KDM7A: variants seen among roughly 807,000 people sequenced by gnomAD.
KDM7A encodes lysine-specific demethylase 7A.
KDM7A carries 28 observed loss-of-function variants against 114.8 expected under a neutral mutation model. The observed-to-expected ratio is 0.24, with a 90% CI of 0.18 to 0.33. The LOEUF is 0.33. KDM7A is among the 10% of genes least tolerant of loss of function. KDM7A has a pLI of 1.00. For synonymous variants in KDM7A, 423 were observed against 397.8 expected (o/e 1.06, Z -0.75); for missense variants, 942 against 1,142.5 (o/e 0.82, Z 2.53).
At chr7:140,174,323 A>G (rs1172336037) in intron 1 of KDM7A, among the ~76,000 whole-genome samples, 1 of 152,186 alleles carries the variant, frequency 6.6e-6, no homozygotes, top group East Asian at 1.9e-4. Context: ...AAAAAAACCT[A>G]TTTTAGACTC....
At chr7:140,146,338 T>A (rs544995576) in intron 1 of KDM7A, among the ~76,000 whole-genome samples, 1 of 152,350 alleles carries the variant, frequency 6.6e-6, no homozygotes, top group South Asian at 2.1e-4. Context: ...TCCGTTTCTC[T>A]CTCAGAGGGA....
chr7:140,118,343 T>TA (rs1818564894), intron 9 of KDM7A, among the ~76,000 whole-genome samples: 1 of 151,936 alleles, frequency 6.6e-6, no homozygotes, highest in Non-Finnish European at 1.5e-5. Context: ...CCACCTTTTA[T>TA]AAAGTAGCTT....
intron 1 of KDM7A, among the ~76,000 whole-genome samples, chr7:140,148,654 A>G (rs1450437245): frequency 6.6e-6 from 1 of 152,166 alleles, no homozygotes; most frequent in Non-Finnish European, 1.5e-5. Flanking sequence ...CGTTTTATAC[A>G]ATGTTTTAAC....
At chr7:140,132,739 T>C (rs1032506048) in intron 3 of KDM7A, among the ~76,000 whole-genome samples, 2 of 152,238 alleles carry the variant, frequency 1.3e-5, no homozygotes, top group Non-Finnish European at 2.9e-5. Flanking sequence ...TACCATTATA[T>C]GTTTCTGCAT....
intron 11 of KDM7A, among the ~76,000 whole-genome samples, chr7:140,108,284 G>T (rs560175863): frequency 1.3e-5 from 2 of 152,260 alleles, no homozygotes; most frequent in East Asian, 3.9e-4. Flanking sequence ...CTGTCAACTT[G>T]TCAAAGTCAT....
chr7:140,103,080 G>T (rs776652651), intron 11 of KDM7A, among the ~76,000 whole-genome samples: 1 of 151,946 alleles, frequency 6.6e-6, no homozygotes, highest in Non-Finnish European at 1.5e-5. Flanking sequence ...CTTCTCATCT[G>T]CACAAACTGA....
In KDM7A at chr7:140,174,106, G is replaced by A. The variant is rs531154685; in HGVS notation, c.194+2638C>T. On this transcript the variant is annotated intron_variant, in intron 1 of 19. Transcript: ENST00000397560. ...TTGAACCCGGGAGGCGGAGTTTGCA[G>A]TGAGCAGAGATGGCGCCACTGCACT... 6.4e-4 allele frequency among the ~76,000 whole-genome samples: 97 copies of A among 151,746 alleles called. 1 individual carries two copies. The highest frequency in any genetic ancestry group is 1.1e-3 in the Non-Finnish European group (78 of 67,958).
At chr7:140,095,249 T>G (rs1440461479) in intron 17 of KDM7A, among the ~76,000 whole-genome samples, 1 of 152,216 alleles carries the variant, frequency 6.6e-6, no homozygotes, top group Non-Finnish European at 1.5e-5. Context: ...AAGGCAGGTA[T>G]TTGCCTGAAT....
rs1818111417 is a variant in KDM7A, at chr7:140,096,486, AG to A, written c.2374+68del. ...TTATTCATAATCTCTAACCTAAATG[AG>A]GATTATTGAGCCATTAAGTTGGGCA... On this transcript the variant is annotated intron_variant, in intron 17 of 19. Coordinates refer to ENST00000397560, the MANE Select transcript of KDM7A (RefSeq NM_030647.2). The A allele has an allele frequency of 6.8e-6, 8 of 1,170,368 alleles. No homozygotes were observed. In the South Asian group the frequency reaches 1.0e-4, roughly 15 times the overall value. 72.5% of individuals were successfully genotyped at this position (1,170,368 alleles called of 1,614,324 possible). A position where few individuals can be genotyped will look rare whatever the true frequency, so the allele number is the denominator to read the frequency against.
chr7:140,103,073 C>T (rs887707415), intron 11 of KDM7A, among the ~76,000 whole-genome samples: 1 of 152,002 alleles, frequency 6.6e-6, no homozygotes, highest in Non-Finnish European at 1.5e-5. Flanking sequence ...CGAGAAGCTT[C>T]TCATCTGCAC....
At chr7:140,103,476 G>A (rs1162908667) in intron 11 of KDM7A, among the ~76,000 whole-genome samples, 2 of 131,998 alleles carry the variant, frequency 1.5e-5, no homozygotes, top group Non-Finnish European at 3.4e-5. Flanking sequence ...TCCAACCCAC[G>A]ACAGGTCCCA....
chr7:140,117,984 G>T (rs796356763), intron 9 of KDM7A, among the ~76,000 whole-genome samples: 7 of 152,294 alleles, frequency 4.6e-5, no homozygotes, highest in African/African-American at 1.7e-4. Context: ...ATTGTTATAT[G>T]AGTTTTATCA....
chr7:140,124,490 G>A, intron 7 of KDM7A, 131 bp downstream of exon 7: 1 of 612,978 alleles, frequency 1.6e-6, no homozygotes, highest in Non-Finnish European at 2.7e-6. Flanking sequence ...AAAAGTCCAA[G>A]ATCAGAATTA....
chr7:140,108,300 G>A (rs75652405), intron 11 of KDM7A, among the ~76,000 whole-genome samples: 1 of 152,044 alleles, frequency 6.6e-6, no homozygotes, highest in Non-Finnish European at 1.5e-5. Flanking sequence ...GTCATTCTCC[G>A]TCCAGCTTCG....
At position 140,118,580 on chromosome 7, in the gene KDM7A, A is replaced by ATT. The variant is rs34658145; in HGVS notation, c.1246+531_1246+532dup. Among the ~76,000 whole-genome samples, 812 of 137,896 alleles carry ATT rather than the reference A, an allele frequency of 5.9e-3. 2 individuals carry two copies. The highest frequency in any genetic ancestry group is 0.011 in the African/African-American group (412 of 37,732). 90.5% of individuals were successfully genotyped at this position (137,896 alleles called of 152,430 possible). On this transcript the variant is annotated intron_variant, in intron 9 of 19. Coordinates refer to ENST00000397560, the MANE Select transcript of KDM7A (RefSeq NM_030647.2). ...ACCACGATGCCCGGCTAATTTTTGT[A>ATT]TTTTTTTTTTTTTTTTAGTAGAGAC...
At chr7:140,122,153 T>G (rs940723919) in intron 7 of KDM7A, among the ~76,000 whole-genome samples, 2 of 152,216 alleles carry the variant, frequency 1.3e-5, no homozygotes, top group African/African-American at 4.8e-5. Flanking sequence ...CTGATAGAAT[T>G]TGTGTTGCCA....
chr7:140,154,756 T>TC (rs1794440037), intron 1 of KDM7A, among the ~76,000 whole-genome samples: 2 of 152,032 alleles, frequency 1.3e-5, no homozygotes, highest in East Asian at 1.9e-4. Flanking sequence ...CCCTTTTTTT[T>TC]TCCCCACAAA....
rs1486196462 is a variant in KDM7A at position 140,133,613 on chromosome 7, A to C, written c.324T>G (p.Ile108Met). 1.2e-6 allele frequency: 2 copies of C among 1,612,764 alleles called. No homozygotes were observed. The highest frequency in any genetic ancestry group is 8.5e-7 in the Non-Finnish European group (1 of 1,178,962). ...CTTGCACTGGTTTGGAACCATCATC[A>C]ATTTCTGTGTAGTCATGTCTGTGCC... ...RNWHRHDYTE[I>M]DDGSKPVQAG... The change falls in exon 3 of 20, where the codon ATT becomes ATG. Residue 108 changes from isoleucine (I) to methionine (M), a missense_variant. This residue lies in a region of KDM7A where 318 missense variants were observed against 453.1 expected (regional missense o/e 0.70). Transcript: ENST00000397560.
chr7:140,120,912 T>C (rs182338105), intron 7 of KDM7A, among the ~76,000 whole-genome samples: 1 of 152,352 alleles, frequency 6.6e-6, no homozygotes, highest in Admixed American at 6.5e-5. Context: ...CAGCCTGTTT[T>C]TGTTTTTTAG....
Sources: allele counts gnomAD v4.1 joint callset (sites outside exome capture counted in the v4.1 genomes callset), GRCh38; gene constraint gnomAD v4.1.1; regional missense constraint gnomAD v4.1.1; transcripts MANE v1.5; gene names NCBI Gene and HGNC (gene_info 2026-07-23, HGNC 2026-07-21).